MSH3: variants seen among roughly 807,000 people sequenced by gnomAD.
MSH3 encodes mutS homolog 3.
A neutral mutation model predicts 123.3 loss-of-function variants in MSH3; 106 were observed. The observed-to-expected ratio is 0.86, with a 90% CI of 0.73 to 1.01. The LOEUF is 1.01. MSH3 is among the 50% of genes least tolerant of loss of function. The pLI, the probability that MSH3 is intolerant of heterozygous loss-of-function variation, is 0.00. For synonymous variants in MSH3, 515 were observed against 481.4 expected (o/e 1.07, Z -0.91); for missense variants, 1,459 against 1,347.6 (o/e 1.08, Z -1.29).
chr5:80,684,536 C>T (rs1750041633), intron 8 of MSH3, among the ~76,000 whole-genome samples: 1 of 152,150 alleles, frequency 6.6e-6, no homozygotes, highest in Admixed American at 6.5e-5. Flanking sequence ...TGTCCTGCAA[C>T]TTTACTGAAT....
chr5:80,780,373 C>T, intron 17 of MSH3, among the ~76,000 whole-genome samples: 1 of 152,110 alleles, frequency 6.6e-6, no homozygotes, highest in Non-Finnish European at 1.5e-5. Flanking sequence ...TTCACGTGAC[C>T]CCTGTAAGGC....
intron 10 of MSH3, among the ~76,000 whole-genome samples, chr5:80,729,288 G>A (rs1392557653): frequency 1.3e-4 from 19 of 151,492 alleles, no homozygotes; most frequent in African/African-American, 4.6e-4. Flanking sequence ...GGTGGTGGGC[G>A]CCTGTAGTCC....
At chr5:80,779,031 A>G (rs1172831982) in intron 17 of MSH3, among the ~76,000 whole-genome samples, 195 bp downstream of exon 17, 1 of 139,834 alleles carries the variant, frequency 7.2e-6, no homozygotes, top group Admixed American at 7.7e-5. Flanking sequence ...TTGCTTTGTC[A>G]CCGAGGCTGG....
At chr5:80,681,061 A>G (rs999881904) in intron 8 of MSH3, among the ~76,000 whole-genome samples, 1 of 152,106 alleles carries the variant, frequency 6.6e-6, no homozygotes, top group African/African-American at 2.4e-5. Flanking sequence ...GGTAATATCA[A>G]TTTATACTTC....
At chr5:80,665,773 A>G (rs1273243189) in intron 3 of MSH3, among the ~76,000 whole-genome samples, 1 of 152,246 alleles carries the variant, frequency 6.6e-6, no homozygotes, top group Non-Finnish European at 1.5e-5. Flanking sequence ...ATAGATAGAA[A>G]GTAAATTCAA....
intron 8 of MSH3, among the ~76,000 whole-genome samples, chr5:80,690,426 G>C (rs1487625683): frequency 6.6e-6 from 1 of 152,124 alleles, no homozygotes; most frequent in African/African-American, 2.4e-5. Context: ...TTCTGCCTCA[G>C]ACTCCCCAGT....
intron 20 of MSH3, among the ~76,000 whole-genome samples, chr5:80,840,989 T>C (rs927469698): frequency 2.0e-5 from 3 of 152,074 alleles, no homozygotes; most frequent in African/African-American, 4.8e-5. Context: ...ATGTGCCATG[T>C]TGGTGTGCTG....
At chr5:80,741,724 G>GT (rs1275023548) in intron 11 of MSH3, among the ~76,000 whole-genome samples, 176 bp downstream of exon 11, 5 of 152,112 alleles carry the variant, frequency 3.3e-5, no homozygotes, top group Non-Finnish European at 7.4e-5. Flanking sequence ...ATTTCTCTGG[G>GT]TTTTTTGGGG....
Position 80,667,519 on chromosome 5 carries a change from G to T in MSH3, c.579+2156G>T, listed in dbSNP as rs112354193. On this transcript the variant is annotated intron_variant, in intron 3 of 23. Transcript: ENST00000265081. Reference sequence around the variant, plus strand: ...CCACTCGGCCTGGCAGGCTGTGCTTGGCTTTTGCTTTTGGCCTGAATCTCG... The same window carrying T: ...CCACTCGGCCTGGCAGGCTGTGCTTTGCTTTTGCTTTTGGCCTGAATCTCG... Among the ~76,000 whole-genome samples, 585 of 152,292 alleles carry T rather than the reference G, an allele frequency of 3.8e-3. 3 individuals are homozygous for T. The highest frequency in any genetic ancestry group is 0.013 in the African/African-American group (559 of 41,560).
At chr5:80,715,631 G>C (rs970493260) in intron 8 of MSH3, among the ~76,000 whole-genome samples, 1 of 151,922 alleles carries the variant, frequency 6.6e-6, no homozygotes, top group Admixed American at 6.6e-5. Context: ...ATTGGTTCAG[G>C]GTTCCATAGG....
intron 2 of MSH3, among the ~76,000 whole-genome samples, chr5:80,658,512 C>T (rs1236864423): frequency 1.3e-5 from 2 of 152,188 alleles, no homozygotes; most frequent in Admixed American, 1.3e-4. Flanking sequence ...TAAAATAGGA[C>T]CTTTGCCACT....
chr5:80,848,478 A>G (rs1716651894), intron 20 of MSH3, among the ~76,000 whole-genome samples: 1 of 152,212 alleles, frequency 6.6e-6, no homozygotes, highest in Non-Finnish European at 1.5e-5. Flanking sequence ...ACTGCTGATA[A>G]AGACATACCC....
intron 17 of MSH3, among the ~76,000 whole-genome samples, chr5:80,779,698 A>G (rs762175009): frequency 1.7e-4 from 25 of 151,334 alleles, no homozygotes; most frequent in Non-Finnish European, 2.7e-4. Context: ...AGCTGGGACT[A>G]CAGGCGCACA....
intron 10 of MSH3, 21 bp downstream of exon 10, chr5:80,728,986 T>TA (rs759934743): frequency 5.4e-6 from 7 of 1,291,942 alleles, no homozygotes; most frequent in East Asian, 2.3e-5. Context: ...CCTCCAAAAT[T>TA]AAAAAAAGGG....
At chr5:80,682,009 G>A (rs1158546773) in intron 8 of MSH3, among the ~76,000 whole-genome samples, 3 of 152,252 alleles carry the variant, frequency 2.0e-5, no homozygotes, top group East Asian at 1.9e-4. Flanking sequence ...TTTACTGACC[G>A]TGTGTAATTT....
intron 20 of MSH3, among the ~76,000 whole-genome samples, chr5:80,829,714 C>T (rs753774157): frequency 1.3e-5 from 2 of 151,992 alleles, no homozygotes; most frequent in African/African-American, 2.4e-5. Context: ...TGCCTTTGTC[C>T]GGTTTTGGTA....
intron 20 of MSH3, among the ~76,000 whole-genome samples, chr5:80,850,354 C>T (rs1745809494): frequency 6.6e-6 from 1 of 152,144 alleles, no homozygotes; most frequent in Non-Finnish European, 1.5e-5. Flanking sequence ...AAGTATCTTT[C>T]CAGCAACACC....
At chr5:80,725,235 A>G (rs1269258607) in intron 8 of MSH3, among the ~76,000 whole-genome samples, 1 of 147,750 alleles carries the variant, frequency 6.8e-6, no homozygotes, top group Non-Finnish European at 1.5e-5. Flanking sequence ...AAAAAAAAAG[A>G]TAATAAAAAA....
intron 17 of MSH3, among the ~76,000 whole-genome samples, chr5:80,781,270 T>G (rs986873122): frequency 6.6e-6 from 1 of 152,174 alleles, no homozygotes; most frequent in Non-Finnish European, 1.5e-5. Context: ...CCTTTCAGTC[T>G]TCAAGGACTC....
Sources: gnomAD v4.1 joint callset for allele counts (sites outside exome capture counted in the v4.1 genomes callset) on GRCh38, gnomAD v4.1.1 for gene constraint, MANE v1.5 for transcripts, NCBI Gene and HGNC (gene_info 2026-07-23, HGNC 2026-07-21) for gene names.